The following EXTL3 variants were observed in gnomAD, a reference collection of about 807,000 sequenced individuals.
The protein encoded by EXTL3 is exostosin like glycosyltransferase 3.
A neutral mutation model predicts 69.3 loss-of-function variants in EXTL3; 27 were observed. The observed-to-expected ratio is 0.39, with a 90% CI of 0.29 to 0.54. The LOEUF (loss-of-function observed/expected upper bound fraction) is 0.54. EXTL3 is among the 20% of genes least tolerant of loss of function. EXTL3 has a pLI of 0.69. For missense variants in EXTL3, 1,003 were observed against 1,231.8 expected (o/e 0.81, Z 2.78); for synonymous variants, 511 against 499.4 (o/e 1.02, Z -0.31).
At chr8:28,714,454 A>G (rs1042573185) in intron 2 of EXTL3, among the ~76,000 whole-genome samples, 16 of 152,154 alleles carry the variant, frequency 1.1e-4, no homozygotes, top group Non-Finnish European at 1.9e-4. Context: ...GCCTCTGTGA[A>G]GTCCTACTCA....
chr8:28,626,276 G>C (rs1563428229), intron 1 of EXTL3, among the ~76,000 whole-genome samples: 1 of 152,108 alleles, frequency 6.6e-6, no homozygotes, highest in Admixed American at 6.5e-5. Context: ...AAAGAGGACG[G>C]GGTCACACCA....
At chr8:28,645,484 T>A (rs1302509199) in intron 1 of EXTL3, among the ~76,000 whole-genome samples, 1 of 152,216 alleles carries the variant, frequency 6.6e-6, no homozygotes, top group African/African-American at 2.4e-5. Context: ...TTGGAAAACC[T>A]GAGCTATAAT....
intron 1 of EXTL3, among the ~76,000 whole-genome samples, chr8:28,642,783 A>T (rs1806764704): frequency 6.6e-6 from 1 of 152,080 alleles, no homozygotes; most frequent in Non-Finnish European, 1.5e-5. Flanking sequence ...TTACCTTGAA[A>T]TTTTATTTTA....
intron 1 of EXTL3, among the ~76,000 whole-genome samples, chr8:28,656,903 T>TTCTTTCTG: frequency 6.6e-6 from 1 of 152,164 alleles, no homozygotes; most frequent in East Asian, 1.9e-4. Context: ...CTTTCTTTCT[T>TTCTTTCTG]TCTTTCTTCA....
At chr8:28,746,628 G>A (rs1269956086) in intron 6 of EXTL3, among the ~76,000 whole-genome samples, 3 of 152,110 alleles carry the variant, frequency 2.0e-5, no homozygotes, top group Non-Finnish European at 4.4e-5. Flanking sequence ...GTTTTATTAT[G>A]TAACACAGTT....
At chr8:28,632,949 TTAATAAA>T (rs1806590713) in intron 1 of EXTL3, among the ~76,000 whole-genome samples, 1 of 152,156 alleles carries the variant, frequency 6.6e-6, no homozygotes, top group African/African-American at 2.4e-5. Flanking sequence ...TTGTTTAAAA[TTAATAAA>T]TAATAAAAAT....
chr8:28,681,225 T>G (rs879797201), intron 1 of EXTL3, among the ~76,000 whole-genome samples: 1 of 151,840 alleles, frequency 6.6e-6, no homozygotes, highest in Non-Finnish European at 1.5e-5. Flanking sequence ...TAAAAATTCA[T>G]GCATCCCAGA....
chr8:28,726,038 C>T (rs1237224881), intron 3 of EXTL3, among the ~76,000 whole-genome samples: 1 of 151,758 alleles, frequency 6.6e-6, no homozygotes, highest in South Asian at 2.1e-4. Context: ...TCACTGCAGC[C>T]TCTGCCTCCC....
chr8:28,722,387 A>G (rs1361754179), intron 3 of EXTL3, among the ~76,000 whole-genome samples: 1 of 152,224 alleles, frequency 6.6e-6, no homozygotes, highest in Non-Finnish European at 1.5e-5. Context: ...GGTGGTAGAG[A>G]GAACCAGTTC....
intron 1 of EXTL3, among the ~76,000 whole-genome samples, chr8:28,671,828 C>T (rs1248006217): frequency 2.6e-5 from 4 of 152,136 alleles, no homozygotes; most frequent in Admixed American, 1.3e-4. Flanking sequence ...ATTTCTTTAT[C>T]GTACGGTGAA....
At chr8:28,722,884 T>G (rs1366323932) in intron 3 of EXTL3, among the ~76,000 whole-genome samples, 2 of 152,014 alleles carry the variant, frequency 1.3e-5, no homozygotes, top group African/African-American at 4.8e-5. Flanking sequence ...GTTCTTTTTT[T>G]GGGTAATATA....
chr8:28,676,234 C>G (rs1807380597), intron 1 of EXTL3, among the ~76,000 whole-genome samples: 1 of 152,014 alleles, frequency 6.6e-6, no homozygotes, highest in Non-Finnish European at 1.5e-5. Flanking sequence ...CTGGGAGGGT[C>G]TAGAAGGCAT....
intron 1 of EXTL3, among the ~76,000 whole-genome samples, chr8:28,652,682 T>C (rs1212016472): frequency 7.1e-6 from 1 of 141,426 alleles, no homozygotes; most frequent in Non-Finnish European, 1.6e-5. Flanking sequence ...TATTTATATA[T>C]AGCCATATAT....
rs1157843524 is a variant in EXTL3 at position 28,701,562 on chromosome 8, C to T, written c.-667C>T. Reference sequence around the variant, plus strand: ...GGGGGAGCGGCGGATCAGGCGCGGCCTGGAAGGCGGGCGGCCGGCAGCCAG... The same window carrying T: ...GGGGGAGCGGCGGATCAGGCGCGGCTTGGAAGGCGGGCGGCCGGCAGCCAG... On this transcript the variant is annotated 5_prime_UTR_variant, in exon 1 of 7. Transcript: ENST00000220562. 6.5e-6 allele frequency: 1 copy of T among 154,288 alleles called. No individual in the cohort carries two copies. The highest frequency in any genetic ancestry group is 6.6e-5 in the Admixed American group (1 of 15,234). 9.6% of individuals were successfully genotyped at this position (154,288 alleles called of 1,614,324 possible).
intron 1 of EXTL3, among the ~76,000 whole-genome samples, chr8:28,668,552 G>C (rs1356746613): frequency 6.6e-6 from 1 of 151,956 alleles, no homozygotes; most frequent in African/African-American, 2.4e-5. Flanking sequence ...GGCCAGGATG[G>C]TCTCGAACTT....
chr8:28,670,983 AATT>A (rs1563442734), intron 1 of EXTL3, among the ~76,000 whole-genome samples: 1 of 44,420 alleles, frequency 2.3e-5, no homozygotes, highest in Admixed American at 2.2e-4. Context: ...TTTTTTTTTT[AATT>A]AATTTATTTT....
At chr8:28,622,550 G>A (rs910786723), upstream of EXTL3, among the ~76,000 whole-genome samples, 13 of 151,712 alleles carry the variant, frequency 8.6e-5, 1 homozygote, top group Admixed American at 8.5e-4. Flanking sequence ...GAGCCGACGC[G>A]GAGGCGGTGG....
chr8:28,649,239 A>G (rs992908716), intron 1 of EXTL3, among the ~76,000 whole-genome samples: 13 of 152,266 alleles, frequency 8.5e-5, no homozygotes, highest in African/African-American at 3.1e-4. Context: ...TTGTACCTGT[A>G]TGCAATTGTT....
At chr8:28,706,325 C>G (rs1563210666) in intron 1 of EXTL3, among the ~76,000 whole-genome samples, 1 of 152,192 alleles carries the variant, frequency 6.6e-6, no homozygotes, top group Non-Finnish European at 1.5e-5. Flanking sequence ...TACCTTTCTA[C>G]TAACACAAGA....
Sources: allele counts gnomAD v4.1 joint callset (sites outside exome capture counted in the v4.1 genomes callset), GRCh38; gene constraint gnomAD v4.1.1; transcripts MANE v1.5; gene names NCBI Gene and HGNC (gene_info 2026-07-23, HGNC 2026-07-21).